The following MIDEAS variants were observed in gnomAD, a reference collection of about 807,000 sequenced individuals.
MIDEAS encodes mitotic deacetylase-associated SANT domain protein.
Under a neutral mutation model 102.7 loss-of-function variants are expected in MIDEAS, and 26 were observed. That is an observed-to-expected ratio of 0.25 (90% CI 0.19 to 0.35). The LOEUF is 0.35. Ranked by LOEUF, MIDEAS falls within the 10% of genes least tolerant of loss-of-function variation. MIDEAS has a pLI of 1.00. For synonymous variants in MIDEAS, 585 were observed against 591.0 expected (o/e 0.99, Z 0.15); for missense variants, 1,231 against 1,435.6 (o/e 0.86, Z 2.30).
Position 73,716,871 on chromosome 14 carries a change from G to A in MIDEAS, c.*1972C>T, listed in dbSNP as rs2052900111. ...TAGCACTTTGGGGCTAAGCTGCGAAGGCACTCGTATTGTACAAGTAATTTC... is the reference window on the plus strand; with the variant it reads ...TAGCACTTTGGGGCTAAGCTGCGAAAGCACTCGTATTGTACAAGTAATTTC... On this transcript the variant is annotated 3_prime_UTR_variant, in exon 13 of 13. Coordinates refer to ENST00000423556, the MANE Select transcript of MIDEAS (RefSeq NM_001367710.1). The A allele has an allele frequency of 6.6e-6, 1 of 152,574 alleles. No homozygotes were observed. Among genetic ancestry groups the A allele is most frequent in the South Asian group, 2.1e-4 (1 of 4,834 alleles). 9.5% of individuals were successfully genotyped at this position (152,574 alleles called of 1,614,324 possible). A position where few individuals can be genotyped will look rare whatever the true frequency, so the allele number is the denominator to read the frequency against.
At position 73,729,764 on chromosome 14, in the gene MIDEAS, G is replaced by C; in HGVS notation, c.1971C>G (p.Pro657=). The C allele has an allele frequency of 6.2e-7, 1 of 1,614,066 alleles. No individual in the cohort carries two copies. The highest frequency in any genetic ancestry group is 2.2e-5 in the East Asian group (1 of 44,882). ...CTTCCCGCACAGGGCTGAGGATGGG[G>C]GGCGGCGTGTAGGGAGGTAGCTCAA... ...RSFELPPYTP[P]PILSPVREGS... The change falls in exon 4 of 13, where the codon CCC becomes CCG. Residue 657 remains proline (P), a synonymous_variant. Transcript: ENST00000423556.
At chr14:73,751,202 C>G (rs2053414467) in intron 1 of MIDEAS, among the ~76,000 whole-genome samples, 1 of 152,184 alleles carries the variant, frequency 6.6e-6, no homozygotes, top group South Asian at 2.1e-4. Context: ...TCTGAGAAGA[C>G]CTTAGGTCAA....
intron 3 of MIDEAS, 88 bp downstream of exon 3, chr14:73,736,910 A>AC: frequency 7.5e-7 from 1 of 1,336,896 alleles, no homozygotes. Flanking sequence ...ATACCTTCCT[A>AC]CATTGCCATG....
At chr14:73,757,828 C>T (rs551341008) in intron 1 of MIDEAS, among the ~76,000 whole-genome samples, 1 of 152,326 alleles carries the variant, frequency 6.6e-6, no homozygotes, top group African/African-American at 2.4e-5. Flanking sequence ...TTGAAAGCAG[C>T]AGCACACAGG....
chr14:73,730,049 A>C (rs2053118354), intron 3 of MIDEAS, 64 bp from the exon 4 acceptor site: 1 of 1,516,972 alleles, frequency 6.6e-7, no homozygotes. Flanking sequence ...TAAAGTCTTA[A>C]CCACAGCTTG....
upstream of MIDEAS, among the ~76,000 whole-genome samples, chr14:73,762,533 C>T (rs574431226): frequency 4.6e-5 from 7 of 152,216 alleles, no homozygotes; most frequent in Admixed American, 2.0e-4. Flanking sequence ...ACCAAATAGC[C>T]CCCCCTTGGC....
At chr14:73,750,207 G>A (rs1361362184) in intron 1 of MIDEAS, among the ~76,000 whole-genome samples, 2 of 152,180 alleles carry the variant, frequency 1.3e-5, no homozygotes, top group East Asian at 3.8e-4. Context: ...CCAGAGGGAA[G>A]TTGAGGCTCT....
At chr14:73,745,231 C>T (rs1043223628) in intron 1 of MIDEAS, among the ~76,000 whole-genome samples, 2 of 152,234 alleles carry the variant, frequency 1.3e-5, no homozygotes, top group Admixed American at 6.5e-5. Context: ...AGGCCCTCTA[C>T]ACCTATGTGG....
intron 1 of MIDEAS, among the ~76,000 whole-genome samples, chr14:73,784,262 G>A (rs999135775): frequency 6.6e-6 from 1 of 152,366 alleles, no homozygotes; most frequent in Non-Finnish European, 1.5e-5. Context: ...CCACCATTTA[G>A]GTAAGGTGAA....
Position 73,779,555 on chromosome 14 carries a change from TTTA to T in MIDEAS, c.-248+7544_-248+7546del, listed in dbSNP as rs1264012436. 6.8e-3 allele frequency among the ~76,000 whole-genome samples: 746 copies of T among 110,262 alleles called. 2 individuals carry two copies. The highest frequency in any genetic ancestry group is 0.01 in the Middle Eastern group (2 of 192). 72.3% of individuals were successfully genotyped at this position (110,262 alleles called of 152,430 possible). On this transcript the variant is annotated intron_variant, in intron 1 of 11. Coordinates refer to the MIDEAS transcript ENST00000394071. ...CATTCTTTTATTTTTTTTTAATTTG[TTTA>T]TTATTATTATTATTATTTTTTTTTT... is the stretch of plus-strand genomic sequence containing the variant.
intron 1 of MIDEAS, among the ~76,000 whole-genome samples, chr14:73,752,145 C>T (rs959183217): frequency 6.6e-6 from 1 of 152,170 alleles, no homozygotes; most frequent in African/African-American, 2.4e-5. Context: ...ATATTCATCG[C>T]ACATCCCGAG....
intron 1 of MIDEAS, among the ~76,000 whole-genome samples, chr14:73,748,405 C>T (rs1032427005): frequency 1.3e-5 from 2 of 152,160 alleles, no homozygotes; most frequent in African/African-American, 2.4e-5. Flanking sequence ...GTGACACACG[C>T]CTGCAGTCCC....
chr14:73,767,787 G>C, intron 1 of MIDEAS, among the ~76,000 whole-genome samples: 1 of 152,230 alleles, frequency 6.6e-6, no homozygotes, highest in East Asian at 1.9e-4. Flanking sequence ...TGAGAGAAAA[G>C]TTCTAAGCCT....
At chr14:73,768,844 C>G (rs2053615322) in intron 1 of MIDEAS, among the ~76,000 whole-genome samples, 1 of 151,988 alleles carries the variant, frequency 6.6e-6, no homozygotes, top group African/African-American at 2.4e-5. Flanking sequence ...TCTGGCTTGT[C>G]ATGGAAAAAA....
rs769807688 is a variant in MIDEAS, at chr14:73,729,807, T to A, written c.1928A>T (p.His643Leu). 1.9e-6 allele frequency: 3 copies of A among 1,608,892 alleles called. No homozygotes were observed. The East Asian group carries it at 6.7e-5, about 36-fold the overall frequency. The change falls in exon 4 of 13, where the codon CAC becomes CTC. Residue 643 changes from histidine to leucine, a missense_variant. This residue lies in a region of MIDEAS where 758 missense variants were observed against 856.0 expected (regional missense o/e 0.89). Coordinates refer to ENST00000423556, the MANE Select transcript of MIDEAS (RefSeq NM_001367710.1). The part of the protein sequence containing the change: ...HLRSPVRLAD[H>L]PSERSFELPP... ...TAGCTCAAAGCTCCGCTCAGAGGGG[T>A]GGTCAGCTAGGCGCACGGGAGAGCG...
chr14:73,733,727 C>T (rs964279698), intron 3 of MIDEAS, among the ~76,000 whole-genome samples: 5 of 152,240 alleles, frequency 3.3e-5, no homozygotes, highest in Non-Finnish European at 7.3e-5. Context: ...CGAAGTCTCA[C>T]TCTGTTGCCC....
At position 73,739,773 on chromosome 14, in the gene MIDEAS, C is replaced by G. The variant is rs752628329; in HGVS notation, c.236G>C (p.Gly79Ala). 94 of 1,613,622 alleles carry G rather than the reference C, an allele frequency of 5.8e-5. No individual in the cohort carries two copies. Among genetic ancestry groups the G allele is most frequent in the Non-Finnish European group, 6.9e-5 (82 of 1,179,942 alleles). ...SLALLNSVVY[G>A]PERTSAAMLS... ...CATGGCTGCTGAGGTCCGCTCAGGC[C>G]CATATACCACAGAGTTCAGCAGGGC... Residue 79 changes from glycine (G) to alanine (A), a missense_variant, in exon 2 of 13, where the codon GGG becomes GCG. Transcript: ENST00000423556.
At chr14:73,736,632 G>GAAA (rs11378988) in intron 3 of MIDEAS, among the ~76,000 whole-genome samples, 3 of 147,220 alleles carry the variant, frequency 2.0e-5, no homozygotes, top group East Asian at 2.0e-4. Context: ...CTCTGCCTCA[G>GAAA]AAAAAAAAAA....
intron 1 of MIDEAS, among the ~76,000 whole-genome samples, chr14:73,741,327 A>G (rs561770362): frequency 6.6e-6 from 1 of 152,262 alleles, no homozygotes; most frequent in East Asian, 1.9e-4. Flanking sequence ...TGTATTTTTC[A>G]AGACTTTTCT....
Sources: allele counts gnomAD v4.1 joint callset (sites outside exome capture counted in the v4.1 genomes callset), GRCh38; gene constraint gnomAD v4.1.1; regional missense constraint gnomAD v4.1.1; transcripts MANE v1.5; gene names NCBI Gene and HGNC (gene_info 2026-07-23, HGNC 2026-07-21).